Variants in ZNF814 observed in about 807,000 individuals in gnomAD.
ZNF814 encodes the protein zinc finger protein 814.
ZNF814 carries 5 observed loss-of-function variants against 7.5 expected under a neutral mutation model. That is an observed-to-expected ratio of 0.67 (90% CI 0.35 to 1.40). The LOEUF (loss-of-function observed/expected upper bound fraction) is 1.40, where lower values mean the gene tolerates loss of function less well. ZNF814 is among the 40% of genes most tolerant of loss of function. The pLI is 0.04. For synonymous variants in ZNF814, 315 were observed against 340.7 expected (o/e 0.92, Z 0.83); for missense variants, 962 against 1,018.0 (o/e 0.94, Z 0.75).
chr19:57,883,285 G>C (rs142928674), intron 1 of ZNF814, among the ~76,000 whole-genome samples: 1 of 151,658 alleles, frequency 6.6e-6, no homozygotes, highest in Non-Finnish European at 1.5e-5. Context: ...ATGAACCCCA[G>C]GGGGGCAGAG....
In ZNF814 at chr19:57,873,644, C is replaced by T. The variant is rs759221149; in HGVS notation, c.1746G>A (p.Gly582=). 3.7e-6 allele frequency: 6 copies of T among 1,613,908 alleles called. No homozygotes were observed. Among genetic ancestry groups the T allele is most frequent in the Non-Finnish European group, 8.5e-7 (1 of 1,180,006 alleles). The change falls in exon 3 of 3, where the codon GGG becomes GGA. Residue 582 remains glycine (G), a synonymous_variant. Transcript: ENST00000435989. The stretch of plus-strand genomic sequence containing the variant: ...GGTGCCCGATTGAACTAAAAGATTT[C>T]CCACATTCTCCACACCCATAAGATC... ...RERSYGCGEC[G]KSFSSIGHLR... is the part of the protein sequence containing the mutation.
chr19:57,901,109 T>A, the ZNF814 span, among the ~76,000 whole-genome samples: 1 of 151,588 alleles, frequency 6.6e-6, no homozygotes, highest in South Asian at 2.1e-4. Context: ...GTGCTGGGAT[T>A]ACAGGCGTGA....
chr19:57,878,089 C>A (rs1468737171), intron 1 of ZNF814, among the ~76,000 whole-genome samples: 2 of 150,230 alleles, frequency 1.3e-5, no homozygotes, highest in South Asian at 2.1e-4. Context: ...TCGCTTGAAC[C>A]CAGGAGGCAG....
At chr19:57,898,507 T>C in the ZNF814 span, among the ~76,000 whole-genome samples, 2 of 152,204 alleles carry the variant, frequency 1.3e-5, no homozygotes, top group Non-Finnish European at 2.9e-5. Context: ...TCTTGTTTGG[T>C]TAACTGCCAA....
intron 1 of ZNF814, among the ~76,000 whole-genome samples, chr19:57,887,929 T>C (rs2071706525): frequency 6.6e-6 from 1 of 152,252 alleles, no homozygotes; most frequent in South Asian, 2.1e-4. Context: ...TTTGTTTCTC[T>C]GTAACCATTT....
intron 1 of ZNF814, among the ~76,000 whole-genome samples, chr19:57,885,321 C>CAA (rs748029965): frequency 0.024 from 3,107 of 129,156 alleles, 124 homozygotes; most frequent in African/African-American, 0.083. Context: ...GACTCCGTCT[C>CAA]AAAAAAAAAA....
At chr19:57,893,170 A>AT (rs760411389), upstream of ZNF814, among the ~76,000 whole-genome samples, 9,176 of 125,210 alleles carry the variant, frequency 0.073, 392 homozygotes, top group Admixed American at 0.097. Context: ...TTTGTTATTG[A>AT]TTTTTTTTTT....
chr19:57,869,942 C>CAAAAAAAAAAAAAAAAAAAAA lies in ZNF814; in HGVS notation c.*2879_*2880insTTTTTTTTTTTTTTTTTTTTT, dbSNP rs57591690. ...CCTGGCTGACAGTGAGACTCTGTCT[C>CAAAAAAAAAAAAAAAAAAAAA]AAAAAAAAAAAAAAAAGGTTGGGCA... On this transcript the variant is annotated 3_prime_UTR_variant, in exon 3 of 3. Coordinates refer to ENST00000435989, the MANE Select transcript of ZNF814 (RefSeq NM_001144989.2). The CAAAAAAAAAAAAAAAAAAAAA allele has an allele frequency of 6.7e-5, 9 of 133,378 alleles. No individual in the cohort carries two copies. Among genetic ancestry groups the CAAAAAAAAAAAAAAAAAAAAA allele is most frequent in the African/African-American group, 2.7e-4 (9 of 33,358 alleles). The allele number at this position is 133,378 out of a possible 1,614,324, so 8.3% of individuals were successfully genotyped here. A position where few individuals can be genotyped will look rare whatever the true frequency, so the allele number is the denominator to read the frequency against.
chr19:57,891,493 C>T (rs1220940203), upstream of ZNF814, among the ~76,000 whole-genome samples: 2 of 151,054 alleles, frequency 1.3e-5, no homozygotes, highest in Non-Finnish European at 2.9e-5. Context: ...CCACTGCACT[C>T]CAGCCTGGGT....
the ZNF814 span, among the ~76,000 whole-genome samples, chr19:57,901,876 T>C: frequency 0.011 from 1,660 of 152,292 alleles, 25 homozygotes; most frequent in African/African-American, 0.037. Flanking sequence ...GTGAGTTGGA[T>C]GGACCCTATT....
In ZNF814 at chr19:57,886,358, T is replaced by C. The variant is rs548955849; in HGVS notation, c.36+2409A>G. ...TGTAAAATGTCATCTCTGCCACCTA[T>C]GTGATCTACAACAAAGATTCAACCT... On this transcript the variant is annotated intron_variant, in intron 1 of 2. Coordinates refer to ENST00000435989, the MANE Select transcript of ZNF814 (RefSeq NM_001144989.2). Among the ~76,000 whole-genome samples, 5 of 152,246 alleles carry C rather than the reference T, an allele frequency of 3.3e-5. No individual in the cohort carries two copies. In the South Asian group the frequency reaches 8.3e-4, roughly 25 times the overall value.
At position 57,874,099 on chromosome 19, in the gene ZNF814, T is replaced by C. The variant is rs770403867; in HGVS notation, c.1291A>G (p.Thr431Ala). Residue 431 changes from threonine to alanine, a missense_variant, in exon 3 of 3, where the codon ACT (threonine) becomes GCT (alanine). Thr to Ala is a moderately conservative substitution (Grantham distance 58, BLOSUM62 0). Coordinates refer to ENST00000435989, the MANE Select transcript of ZNF814 (RefSeq NM_001144989.2). The stretch of plus-strand genomic sequence containing the variant: ...TCACACCCATAAGGTTTTTCTCCAG[T>C]GTGAAATCGCTGATGTTGAATGAGG... ...SSLIQHQRFH[T>A]GEKPYGCEEC... 6.2e-7 allele frequency: 1 copy of C among 1,602,664 alleles called. No individual in the cohort carries two copies. Among genetic ancestry groups the C allele is most frequent in the South Asian group, 1.1e-5 (1 of 89,988 alleles).
In ZNF814 at chr19:57,872,299, A is replaced by T. The variant is rs1343975990; in HGVS notation, c.*523T>A. Reference sequence around the variant, plus strand: ...TCTCATGTCAATGTTTGAGGCTCCAATAAAAAGGCTGAAGGCTTTCTTGCA... The same window carrying T: ...TCTCATGTCAATGTTTGAGGCTCCATTAAAAAGGCTGAAGGCTTTCTTGCA... On this transcript the variant is annotated 3_prime_UTR_variant, in exon 3 of 3. Coordinates refer to ENST00000435989, the MANE Select transcript of ZNF814 (RefSeq NM_001144989.2). 6.6e-6 allele frequency among the ~76,000 whole-genome samples: 1 copy of T among 152,244 alleles called. No homozygotes were observed. Among genetic ancestry groups the T allele is most frequent in the East Asian group, 1.9e-4 (1 of 5,202 alleles).
At chr19:57,902,638 C>T in the ZNF814 span, among the ~76,000 whole-genome samples, 2 of 151,468 alleles carry the variant, frequency 1.3e-5, no homozygotes, top group Non-Finnish European at 2.9e-5. Flanking sequence ...CCACCTTTTA[C>T]GTTAGCAGTA....
the ZNF814 span, among the ~76,000 whole-genome samples, chr19:57,899,061 CAAT>C: frequency 1.3e-5 from 2 of 152,152 alleles, no homozygotes; most frequent in South Asian, 4.1e-4. Context: ...CCCTCTCCAA[CAAT>C]GATTCCAAAA....
rs1168984108 is a variant in ZNF814, at chr19:57,873,819, T to G, written c.1571A>C (p.Glu524Ala). 2 of 1,614,130 alleles carry G rather than the reference T, an allele frequency of 1.2e-6. No individual in the cohort carries two copies. The highest frequency in any genetic ancestry group is 2.2e-5 in the East Asian group (1 of 44,884). ...TTTTGAACTAAATGATTTCCCACATTCTCCACACTCATAAGGTCTTGCTCC... is the reference window on the plus strand; with the variant it reads ...TTTTGAACTAAATGATTTCCCACATGCTCCACACTCATAAGGTCTTGCTCC... ...HTGARPYECG[E>A]CGKSFSSKGH... The change falls in exon 3 of 3, where the codon GAA becomes GCA. Residue 524 changes from glutamate to alanine, a missense_variant. Glu to Ala is a moderately radical substitution (Grantham distance 107). This residue lies in a region of ZNF814 where 665 missense variants were observed against 551.4 expected (regional missense o/e 1.21). Coordinates refer to ENST00000435989, the MANE Select transcript of ZNF814 (RefSeq NM_001144989.2).
chr19:57,890,361 GT>G (rs1459805642), upstream of ZNF814, among the ~76,000 whole-genome samples: 2 of 151,836 alleles, frequency 1.3e-5, no homozygotes, highest in African/African-American at 2.4e-5. Context: ...TTGTTTATTT[GT>G]TTGTTTGTTT....
intron 1 of ZNF814, among the ~76,000 whole-genome samples, chr19:57,883,284 A>AG (rs1007311064): frequency 2.7e-5 from 4 of 149,112 alleles, no homozygotes; most frequent in Non-Finnish European, 5.9e-5. Flanking sequence ...CATGAACCCC[A>AG]GGGGGGCAGA....
At chr19:57,903,762 T>C in the ZNF814 span, among the ~76,000 whole-genome samples, 1 of 152,226 alleles carries the variant, frequency 6.6e-6, no homozygotes, top group East Asian at 1.9e-4. Context: ...CTCCTTTTAA[T>C]CTACAGATGC....
Sources: gnomAD v4.1 joint callset for allele counts (sites outside exome capture counted in the v4.1 genomes callset) on GRCh38, gnomAD v4.1.1 for gene constraint, gnomAD v4.1.1 regional missense constraint, MANE v1.5 for transcripts, NCBI Gene and HGNC (gene_info 2026-07-23, HGNC 2026-07-21) for gene names.